The following EFR3A variants were observed in gnomAD, a reference collection of about 807,000 sequenced individuals.
The protein encoded by EFR3A is EFR3 homolog A, also known as protein EFR3 homolog A.
Under a neutral mutation model 104.4 loss-of-function variants are expected in EFR3A, and 76 were observed. That is an observed-to-expected ratio of 0.73 (90% CI 0.60 to 0.88). The LOEUF is 0.88. Among genes scored for constraint, EFR3A ranks in the 40% least tolerant of loss-of-function variants. The probability of loss-of-function intolerance (pLI) is 0.00; values close to 1 mark genes in which losing one functional copy is unlikely to be tolerated. For synonymous variants in EFR3A, 330 were observed against 330.0 expected (o/e 1.00, Z 0.00); for missense variants, 985 against 1,012.5 (o/e 0.97, Z 0.37).
At chr8:132,005,075 T>C (rs528619773) in intron 22 of EFR3A, among the ~76,000 whole-genome samples, 2 of 152,348 alleles carry the variant, frequency 1.3e-5, no homozygotes, top group African/African-American at 4.8e-5. Context: ...GTGCTAAATG[T>C]ATTATTTTAT....
chr8:131,957,578 A>G (rs13253125), intron 7 of EFR3A, among the ~76,000 whole-genome samples: 31,321 of 151,986 alleles, frequency 0.21, 3,848 homozygotes, highest in Admixed American at 0.29. Flanking sequence ...TCGAGCTCCC[A>G]ACCTCAGGTG....
chr8:131,968,232 T>C (rs1346513511), intron 8 of EFR3A, 63 bp from the exon 9 acceptor site: 3 of 1,510,390 alleles, frequency 2.0e-6, no homozygotes, highest in East Asian at 4.6e-5. Flanking sequence ...TTTTTTATTC[T>C]TAGGAATTCT....
At chr8:131,981,877 A>G (rs1030591023) in intron 14 of EFR3A, among the ~76,000 whole-genome samples, 8 of 152,068 alleles carry the variant, frequency 5.3e-5, no homozygotes, top group African/African-American at 1.9e-4. Flanking sequence ...TTCCTAGTGA[A>G]GCGTATTCTT....
chr8:131,986,173 C>A, intron 16 of EFR3A, 21 bp from the exon 17 acceptor site: 1 of 1,449,442 alleles, frequency 6.9e-7, no homozygotes, highest in Non-Finnish European at 9.6e-7. Flanking sequence ...GATTTTTGTT[C>A]TGTTTTTGAA....
chr8:132,005,918 G>GTCT (rs1753487333), intron 22 of EFR3A, among the ~76,000 whole-genome samples: 1 of 152,048 alleles, frequency 6.6e-6, no homozygotes, highest in African/African-American at 2.4e-5. Flanking sequence ...ATCATATTGA[G>GTCT]TATGTTCTCT....
At chr8:131,915,936 A>G (rs1332087216) in intron 1 of EFR3A, among the ~76,000 whole-genome samples, 1 of 152,210 alleles carries the variant, frequency 6.6e-6, no homozygotes, top group African/African-American at 2.4e-5. Context: ...TGCTATCCTC[A>G]TACAGGACAT....
intron 1 of EFR3A, among the ~76,000 whole-genome samples, chr8:131,910,254 G>A (rs1176594116): frequency 1.3e-5 from 2 of 152,170 alleles, no homozygotes; most frequent in African/African-American, 4.8e-5. Flanking sequence ...GGAACTTGAA[G>A]CAAAAACAGC....
intron 1 of EFR3A, among the ~76,000 whole-genome samples, chr8:131,906,454 A>C (rs1048642349): frequency 6.6e-6 from 1 of 152,226 alleles, no homozygotes; most frequent in Non-Finnish European, 1.5e-5. Context: ...GGAGGTGATC[A>C]CTGTGGTCTC....
At chr8:131,931,163 A>G (rs1171107770) in intron 1 of EFR3A, among the ~76,000 whole-genome samples, 5 of 152,096 alleles carry the variant, frequency 3.3e-5, no homozygotes, top group Non-Finnish European at 1.5e-5. Flanking sequence ...GGCAGGGAGT[A>G]TTCACTTTTA....
chr8:131,941,291 C>A (rs187483223), intron 2 of EFR3A, among the ~76,000 whole-genome samples: 1 of 151,806 alleles, frequency 6.6e-6, no homozygotes, highest in Non-Finnish European at 1.5e-5. Flanking sequence ...TTTCACATTG[C>A]CTCAACCTTT....
intron 9 of EFR3A, 102 bp from the exon 10 acceptor site, chr8:131,970,374 A>T (rs1819980777): frequency 9.1e-7 from 1 of 1,094,638 alleles, no homozygotes; most frequent in Non-Finnish European, 1.3e-6. Context: ...ATTTCTGACT[A>T]TTTAGAAAAT....
intron 14 of EFR3A, 70 bp from the exon 15 acceptor site, chr8:131,984,069 T>C (rs1820749786): frequency 5.1e-6 from 7 of 1,378,954 alleles, no homozygotes; most frequent in South Asian, 3.1e-5. Flanking sequence ...TGTAAAAGTA[T>C]ATGCATGTGA....
chr8:131,988,521 T>C (rs1002096922), intron 18 of EFR3A, among the ~76,000 whole-genome samples: 2 of 152,108 alleles, frequency 1.3e-5, no homozygotes, highest in Non-Finnish European at 2.9e-5. Flanking sequence ...GTCTGAGATG[T>C]TAATGAGTGC....
intron 14 of EFR3A, among the ~76,000 whole-genome samples, chr8:131,982,678 A>G (rs1820675027): frequency 6.6e-6 from 1 of 152,172 alleles, no homozygotes; most frequent in African/African-American, 2.4e-5. Context: ...GAATTACTTA[A>G]GGAACTTGAA....
chr8:131,978,170 C>T (rs1437106581), intron 12 of EFR3A, among the ~76,000 whole-genome samples: 1 of 152,088 alleles, frequency 6.6e-6, no homozygotes, highest in Non-Finnish European at 1.5e-5. Flanking sequence ...TTAATTTGAT[C>T]CTAAGCCTTT....
intron 1 of EFR3A, among the ~76,000 whole-genome samples, chr8:131,911,473 A>T (rs967180368): frequency 1.3e-5 from 2 of 152,240 alleles, no homozygotes; most frequent in Non-Finnish European, 2.9e-5. Flanking sequence ...ATTGAATAGA[A>T]TTTGAACTTA....
intron 8 of EFR3A, among the ~76,000 whole-genome samples, chr8:131,965,245 A>G (rs1192876336): frequency 6.6e-6 from 1 of 152,216 alleles, no homozygotes; most frequent in Non-Finnish European, 1.5e-5. Context: ...GAGCTTCTGC[A>G]CAGCAGAAGA....
intron 19 of EFR3A, 67 bp downstream of exon 19, chr8:131,996,564 T>C (rs1821499051): frequency 5.3e-6 from 5 of 934,860 alleles, no homozygotes; most frequent in Non-Finnish European, 7.9e-6. Context: ...ATTTTTTGCC[T>C]TCCACACTTT....
chr8:131,940,783 C>A, intron 2 of EFR3A: 1 of 764,122 alleles, frequency 1.3e-6, no homozygotes, highest in Non-Finnish European at 1.9e-6. Context: ...AGATTAGGCA[C>A]AAATCTAGAA....
Sources: allele counts gnomAD v4.1 joint callset (sites outside exome capture counted in the v4.1 genomes callset), GRCh38; gene constraint gnomAD v4.1.1; transcripts MANE v1.5; gene names NCBI Gene and HGNC (gene_info 2026-07-23, HGNC 2026-07-21).